Variants in NAALADL2 observed in about 807,000 individuals in gnomAD.
NAALADL2 encodes inactive N-acetylated-alpha-linked acidic dipeptidase-like protein 2.
In NAALADL2, 76 loss-of-function variants were observed where a neutral mutation model predicts 87.2. The observed-to-expected ratio is 0.87, with a 90% CI of 0.72 to 1.05. The LOEUF is 1.05. NAALADL2 is among the 50% of genes least tolerant of loss of function. The pLI is 0.00. For missense variants in NAALADL2, 1,089 were observed against 945.8 expected (o/e 1.15, Z -1.99); for synonymous variants, 354 against 331.0 (o/e 1.07, Z -0.75).
chr3:175,763,357 GCTT>G (rs1007748120), intron 13 of NAALADL2, among the ~76,000 whole-genome samples: 1 of 152,022 alleles, frequency 6.6e-6, no homozygotes, highest in Non-Finnish European at 1.5e-5. Flanking sequence ...TTAAAAAAAT[GCTT>G]CTTCCTAGAT....
intron 3 of NAALADL2, among the ~76,000 whole-genome samples, chr3:175,251,935 T>C (rs115028714): frequency 7.9e-5 from 12 of 151,998 alleles, no homozygotes; most frequent in African/African-American, 2.4e-4. Context: ...TTTAGAACTA[T>C]TTTTTGTGGG....
intron 9 of NAALADL2, among the ~76,000 whole-genome samples, chr3:175,523,607 G>C (rs1396338924): frequency 2.6e-5 from 4 of 152,210 alleles, no homozygotes; most frequent in Non-Finnish European, 4.4e-5. Context: ...CGAAGCAATG[G>C]AGCAATGGTG....
intron 2 of NAALADL2, among the ~76,000 whole-genome samples, chr3:174,715,355 T>C (rs1259959635): frequency 6.6e-6 from 1 of 152,218 alleles, no homozygotes; most frequent in Non-Finnish European, 1.5e-5. Flanking sequence ...GTTAATTATT[T>C]GTGCTTCCAA....
intron 4 of NAALADL2, among the ~76,000 whole-genome samples, chr3:175,280,755 G>A (rs1325073887): frequency 6.6e-6 from 1 of 151,996 alleles, no homozygotes; most frequent in Non-Finnish European, 1.5e-5. Context: ...GTACACAGGA[G>A]GCCCTTCAGA....
chr3:174,966,683 A>G (rs1436734249), intron 1 of NAALADL2, among the ~76,000 whole-genome samples: 1 of 152,184 alleles, frequency 6.6e-6, no homozygotes, highest in Non-Finnish European at 1.5e-5. Context: ...TACATATGAA[A>G]TTTGACATAC....
intron 3 of NAALADL2, among the ~76,000 whole-genome samples, chr3:174,839,532 A>G (rs1723762254): frequency 6.6e-6 from 1 of 152,152 alleles, no homozygotes; most frequent in Non-Finnish European, 1.5e-5. Flanking sequence ...CATGCCAAAA[A>G]GAACAGTCAG....
chr3:174,591,037 G>A (rs1717306698), intron 2 of NAALADL2, among the ~76,000 whole-genome samples: 1 of 152,078 alleles, frequency 6.6e-6, no homozygotes, highest in South Asian at 2.1e-4. Context: ...GGAGAAACCA[G>A]AACTAACATC....
intron 1 of NAALADL2, among the ~76,000 whole-genome samples, chr3:174,872,721 TAC>T (rs1170042489): frequency 2.1e-5 from 3 of 145,228 alleles, no homozygotes; most frequent in Non-Finnish European, 4.5e-5. Flanking sequence ...TGTATTCATC[TAC>T]ACACACACAT....
intron 1 of NAALADL2, among the ~76,000 whole-genome samples, chr3:174,453,988 T>C (rs1715654792): frequency 6.6e-6 from 1 of 152,148 alleles, no homozygotes; most frequent in African/African-American, 2.4e-5. Context: ...GACCGAATTA[T>C]ATGCTGTCTT....
intron 2 of NAALADL2, among the ~76,000 whole-genome samples, chr3:174,727,486 C>T (rs1732312063): frequency 6.6e-6 from 1 of 151,948 alleles, no homozygotes; most frequent in Admixed American, 6.6e-5. Flanking sequence ...AGCTCAAATC[C>T]AGCCTGGTAA....
intron 4 of NAALADL2, among the ~76,000 whole-genome samples, chr3:175,267,114 G>A (rs1752061512): frequency 6.6e-6 from 1 of 151,680 alleles, no homozygotes; most frequent in African/African-American, 2.4e-5. Flanking sequence ...ATAACAGGCA[G>A]GCAAGCATTG....
At chr3:175,352,067 AGAG>A (rs1763834055) in intron 5 of NAALADL2, among the ~76,000 whole-genome samples, 2 of 152,072 alleles carry the variant, frequency 1.3e-5, no homozygotes, top group Admixed American at 1.3e-4. Flanking sequence ...GAGGGTATGA[AGAG>A]GTTTCTCCTG....
chr3:175,326,661 T>C (rs1560366763), intron 5 of NAALADL2, among the ~76,000 whole-genome samples: 1 of 152,172 alleles, frequency 6.6e-6, no homozygotes, highest in Non-Finnish European at 1.5e-5. Context: ...GTCAAGGGGC[T>C]CACATCTGGC....
chr3:174,781,643 A>T (rs766718831), intron 3 of NAALADL2, among the ~76,000 whole-genome samples: 6 of 152,088 alleles, frequency 3.9e-5, no homozygotes, highest in Non-Finnish European at 8.8e-5. Context: ...AATTGAAGTT[A>T]GAATTAAAAG....
At chr3:175,666,772 T>G (rs1733059144) in intron 11 of NAALADL2, among the ~76,000 whole-genome samples, 1 of 152,146 alleles carries the variant, frequency 6.6e-6, no homozygotes, top group East Asian at 1.9e-4. Context: ...AGCACCTTAG[T>G]AGTGTAGATT....
At chr3:174,823,805 G>C (rs1721684385) in intron 3 of NAALADL2, among the ~76,000 whole-genome samples, 1 of 152,112 alleles carries the variant, frequency 6.6e-6, no homozygotes, top group South Asian at 2.1e-4. Context: ...CCGCCTCCCG[G>C]GTTCAAGCTA....
chr3:175,768,112 C>T (rs941409387), intron 13 of NAALADL2, among the ~76,000 whole-genome samples: 12 of 152,008 alleles, frequency 7.9e-5, no homozygotes, highest in African/African-American at 2.4e-4. Flanking sequence ...CGGCCCACAC[C>T]GGGTTTTACT....
chr3:175,447,124 T>C, intron 5 of NAALADL2, 105 bp from the exon 6 acceptor site: 1 of 693,424 alleles, frequency 1.4e-6, no homozygotes, highest in Non-Finnish European at 2.3e-6. Context: ...TGAATGAATA[T>C]AAACTTACCA....
chr3:174,500,211 A>T (rs111288804), intron 1 of NAALADL2, among the ~76,000 whole-genome samples: 2,497 of 152,110 alleles, frequency 0.016, 70 homozygotes, highest in African/African-American at 0.058. Flanking sequence ...CTAAATTCGA[A>T]TTTCTGATTA....
Sources: allele counts gnomAD v4.1 joint callset (sites outside exome capture counted in the v4.1 genomes callset), GRCh38; gene constraint gnomAD v4.1.1; transcripts MANE v1.5; gene names NCBI Gene and HGNC (gene_info 2026-07-23, HGNC 2026-07-21).